SASH1: variants seen among roughly 807,000 people sequenced by gnomAD.
The protein encoded by SASH1 is SAM and SH3 domain-containing protein 1.
A neutral mutation model predicts 125.2 loss-of-function variants in SASH1; 44 were observed. That is an observed-to-expected ratio of 0.35 (90% confidence interval 0.28 to 0.45). The LOEUF (loss-of-function observed/expected upper bound fraction) is 0.45, where lower values mean the gene tolerates loss of function less well. Ranked by LOEUF, SASH1 falls within the 20% of genes least tolerant of loss-of-function variation. The pLI, the probability that SASH1 is intolerant of heterozygous loss-of-function variation, is 1.00. For missense variants in SASH1, 1,426 were observed against 1,614.5 expected (o/e 0.88, Z 2.00); for synonymous variants, 639 against 649.1 (o/e 0.98, Z 0.24).
chr6:148,534,082 C>G (rs2115413164), intron 15 of SASH1, 102 bp downstream of exon 15: 1 of 941,806 alleles, frequency 1.1e-6, no homozygotes, highest in Non-Finnish European at 1.6e-6. Context: ...TGGGGCTGAT[C>G]TGTGTGGTCC....
intron 8 of SASH1, among the ~76,000 whole-genome samples, chr6:148,505,780 G>C (rs1017338361): frequency 2.6e-5 from 4 of 151,992 alleles, no homozygotes; most frequent in African/African-American, 9.7e-5. Flanking sequence ...TGGGATTACA[G>C]GCATGTGCCA....
At chr6:148,276,353 C>T (rs1779182737) in intron 1 of SASH1, among the ~76,000 whole-genome samples, 1 of 152,186 alleles carries the variant, frequency 6.6e-6, no homozygotes, top group Non-Finnish European at 1.5e-5. Flanking sequence ...ACTTGCGTCT[C>T]TTCTGTCCAG....
intron 1 of SASH1, among the ~76,000 whole-genome samples, chr6:148,327,226 T>C (rs1372443231): frequency 6.6e-6 from 1 of 151,924 alleles, no homozygotes; most frequent in African/African-American, 2.4e-5. Flanking sequence ...ATTTGTTACA[T>C]GGAGGAACGA....
At chr6:148,301,182 C>T (rs1024973969) in intron 1 of SASH1, among the ~76,000 whole-genome samples, 3 of 151,488 alleles carry the variant, frequency 2.0e-5, no homozygotes, top group Admixed American at 6.6e-5. Flanking sequence ...CAAAATTAGC[C>T]GGGAGTGGTG....
At chr6:148,239,030 G>A in the SASH1 span, among the ~76,000 whole-genome samples, 8 of 152,314 alleles carry the variant, frequency 5.3e-5, no homozygotes, top group East Asian at 1.5e-3. Flanking sequence ...ACTGGCCCAT[G>A]AGTTTGCCAT....
At chr6:148,452,434 C>G (rs1476993637) in intron 4 of SASH1, among the ~76,000 whole-genome samples, 3 of 152,176 alleles carry the variant, frequency 2.0e-5, no homozygotes, top group African/African-American at 4.8e-5. Flanking sequence ...CTGCTCCAGT[C>G]TAAAGCATGC....
At chr6:148,442,744 A>G (rs1776599383) in intron 4 of SASH1, among the ~76,000 whole-genome samples, 1 of 151,944 alleles carries the variant, frequency 6.6e-6, no homozygotes, top group Non-Finnish European at 1.5e-5. Flanking sequence ...TTTCTATTCA[A>G]GTTTTTCTTT....
chr6:148,357,974 C>T (rs1480641699), intron 1 of SASH1, among the ~76,000 whole-genome samples: 1 of 146,726 alleles, frequency 6.8e-6, no homozygotes, highest in Non-Finnish European at 1.5e-5. Flanking sequence ...ACAGGAGAAT[C>T]GCTTGAACCT....
At chr6:148,419,372 A>G (rs1305476433) in intron 2 of SASH1, among the ~76,000 whole-genome samples, 1 of 152,216 alleles carries the variant, frequency 6.6e-6, no homozygotes, top group Admixed American at 6.5e-5. Flanking sequence ...TTGAATTTGC[A>G]TACGTTGTTT....
At chr6:148,302,806 T>G (rs1780006903) in intron 1 of SASH1, among the ~76,000 whole-genome samples, 1 of 132,678 alleles carries the variant, frequency 7.5e-6, no homozygotes, top group African/African-American at 2.9e-5. Flanking sequence ...ATATTCGAAC[T>G]CCTGACCTCA....
chr6:148,199,328 T>A, the SASH1 span, among the ~76,000 whole-genome samples: 62 of 151,248 alleles, frequency 4.1e-4, 1 homozygote, highest in African/African-American at 1.5e-3. Flanking sequence ...AGTTGAAATC[T>A]TGCCATTGCA....
intron 1 of SASH1, among the ~76,000 whole-genome samples, chr6:148,334,241 G>A (rs979556641): frequency 6.9e-6 from 1 of 144,444 alleles, no homozygotes; most frequent in East Asian, 2.1e-4. Flanking sequence ...TGGCTAACAC[G>A]GTGAAACCCT....
chr6:148,288,464 C>G (rs997861215), intron 1 of SASH1, among the ~76,000 whole-genome samples: 6 of 152,170 alleles, frequency 3.9e-5, no homozygotes, highest in African/African-American at 1.4e-4. Flanking sequence ...TAGAAATAAA[C>G]CAGAGGAAGG....
chr6:148,271,196 C>T (rs1233536577), upstream of SASH1, among the ~76,000 whole-genome samples: 7 of 152,222 alleles, frequency 4.6e-5, no homozygotes, highest in Middle Eastern at 0.01. Flanking sequence ...AGGTGTGAGC[C>T]ACCGCGCCCA....
chr6:148,279,856 G>T (rs771356971), intron 1 of SASH1, among the ~76,000 whole-genome samples: 1 of 151,786 alleles, frequency 6.6e-6, no homozygotes, highest in East Asian at 1.9e-4. Flanking sequence ...GTGTGGTGGT[G>T]CATGCCTGTA....
chr6:148,284,032 C>T (rs970994661), intron 1 of SASH1, among the ~76,000 whole-genome samples: 1 of 152,070 alleles, frequency 6.6e-6, no homozygotes, highest in Non-Finnish European at 1.5e-5. Flanking sequence ...GCACATTATC[C>T]ACTTCAGGCC....
At chr6:148,305,794 C>T (rs76186902) in intron 1 of SASH1, among the ~76,000 whole-genome samples, 9,660 of 152,132 alleles carry the variant, frequency 0.063, 535 homozygotes, top group East Asian at 0.27. Flanking sequence ...AAGATAGTGA[C>T]GCACCAGAAA....
At chr6:148,361,188 T>G (rs542960791) in intron 1 of SASH1, among the ~76,000 whole-genome samples, 1 of 152,290 alleles carries the variant, frequency 6.6e-6, no homozygotes, top group African/African-American at 2.4e-5. Context: ...ATTTCTGTAG[T>G]TTTAAGCCAC....
intron 1 of SASH1, among the ~76,000 whole-genome samples, chr6:148,301,365 A>C (rs1011474482): frequency 6.7e-6 from 1 of 148,666 alleles, no homozygotes; most frequent in African/African-American, 2.5e-5. Flanking sequence ...TCCTGGGTTT[A>C]AGTGATTCTC....
Sources: gnomAD v4.1 joint callset for allele counts (sites outside exome capture counted in the v4.1 genomes callset) on GRCh38, gnomAD v4.1.1 for gene constraint, MANE v1.5 for transcripts, NCBI Gene and HGNC (gene_info 2026-07-23, HGNC 2026-07-21) for gene names.